The following DNPEP variants were observed in gnomAD, a reference collection of about 807,000 sequenced individuals.
DNPEP encodes the protein aspartyl aminopeptidase.
In DNPEP, 46 loss-of-function variants were observed where a neutral mutation model predicts 59.1. That is an observed-to-expected ratio of 0.78 (90% confidence interval 0.61 to 0.99). The LOEUF is 0.99. Ranked by LOEUF, DNPEP falls within the 50% of genes least tolerant of loss-of-function variation. The pLI, the probability that DNPEP is intolerant of heterozygous loss-of-function variation, is 0.00. For missense variants in DNPEP, 617 were observed against 649.9 expected, an observed-to-expected ratio of 0.95 and a Z score of 0.55; for synonymous variants, 229 against 242.2, an observed-to-expected ratio of 0.95 and a Z score of 0.50.
chr2:219,388,012 G>A (rs1953929458), upstream of DNPEP: 9 of 1,107,302 alleles, frequency 8.1e-6, no homozygotes, highest in South Asian at 2.0e-4. Flanking sequence ...GCCCCTCGGC[G>A]GGCTTACCCT....
At chr2:219,395,850 C>A (rs1411365795) in intron 1 of DNPEP, among the ~76,000 whole-genome samples, 3 of 152,198 alleles carry the variant, frequency 2.0e-5, no homozygotes, top group Non-Finnish European at 4.4e-5. Context: ...CTGGAAGTAA[C>A]CTGCTGGCCT....
At chr2:219,386,214 C>T (rs959725708) in intron 5 of DNPEP, 72 bp downstream of exon 5, 46 of 1,610,928 alleles carry the variant, frequency 2.9e-5, no homozygotes, top group Non-Finnish European at 3.7e-5. Flanking sequence ...CCCCTCTTCC[C>T]CACGGGTACC....
intron 10 of DNPEP, among the ~76,000 whole-genome samples, chr2:219,382,575 T>C (rs1278986444): frequency 1.3e-5 from 2 of 152,228 alleles, no homozygotes; most frequent in African/African-American, 4.8e-5. Flanking sequence ...CAGTGATGAA[T>C]GTCACTTCTG....
chr2:219,399,379 A>G (rs1954149203), intron 1 of DNPEP: 1 of 454,480 alleles, frequency 2.2e-6, no homozygotes, highest in Non-Finnish European at 4.4e-6. Context: ...ACTCTAAGGC[A>G]GTGTTTAGGG....
Position 219,386,065 on chromosome 2 carries a change from C to T in DNPEP, c.493G>A (p.Val165Met). The T allele has an allele frequency of 1.2e-6, 2 of 1,614,168 alleles. No individual in the cohort carries two copies. ...PTSGRLEQQL[V>M]HVERPILRIP... ...CGAAGAATGGGCCGCTCCACGTGCA[C>T]CAGCTGCTGCTCCAGCCGACCTGAG... The change falls in exon 6 of 15, where the codon GTG becomes ATG. Residue 165 changes from valine to methionine, a missense_variant. Val to Met is a conservative substitution (Grantham distance 21, BLOSUM62 1). Coordinates refer to ENST00000273075, the MANE Select transcript of DNPEP (RefSeq NM_012100.4).
chr2:219,387,295 C>T (rs1468429431), intron 1 of DNPEP, 132 bp from the exon 2 acceptor site: 4 of 1,421,862 alleles, frequency 2.8e-6, no homozygotes, highest in Admixed American at 3.0e-5. Flanking sequence ...TCCGCCCGTC[C>T]CCACCGAGAG....
Position 219,382,017 on chromosome 2 carries a change from G to T in DNPEP, c.1059C>A (p.Ile353=), listed in dbSNP as rs1214623102. ...FEEAIPKSFM[I]SADMAHAVHP... ...GCACAGCATGGGCCATGTCTGCGCT[G>T]ATCATGAAGGACTTGGGTATGGCTT... Residue 353 remains isoleucine (I), a synonymous_variant, in exon 11 of 15, where the codon ATC becomes ATA. Transcript: ENST00000273075. 1 of 1,614,116 alleles carries T rather than the reference G, an allele frequency of 6.2e-7. No homozygotes were observed. Among genetic ancestry groups the T allele is most frequent in the African/African-American group, 1.3e-5 (1 of 74,944 alleles).
At position 219,386,100 on chromosome 2, in the gene DNPEP, T is replaced by G; in HGVS notation, c.460-2A>C. 6.2e-7 allele frequency: 1 copy of G among 1,614,016 alleles called. No individual in the cohort carries two copies. The highest frequency in any genetic ancestry group is 1.3e-5 in the African/African-American group (1 of 75,034). ...CTCCAGCCGACCTGAGGTAGGGCAC[T>G]GCAGCCAGCCAGGCCAGGTCAGCCC... On this transcript the variant is annotated splice_acceptor_variant, in intron 5 of 14. Transcript: ENST00000273075. LOFTEE classifies it high-confidence loss of function.
At chr2:219,399,175 T>A (rs1174185278) in intron 1 of DNPEP, among the ~76,000 whole-genome samples, 1 of 152,226 alleles carries the variant, frequency 6.6e-6, no homozygotes. Context: ...ATTTTATAGA[T>A]GGGTTGAAAA....
Position 219,387,816 on chromosome 2 carries a change from C to A in DNPEP, c.-22G>T, listed in dbSNP as rs758949519. The A allele has an allele frequency of 3.2e-6, 5 of 1,570,472 alleles. No individual in the cohort carries two copies. In the South Asian group the frequency reaches 3.4e-5, roughly 11 times the overall value. On this transcript the variant is annotated 5_prime_UTR_variant, in exon 1 of 15. Transcript: ENST00000273075. The stretch of plus-strand genomic sequence containing the variant: ...TCATCTGGCCTCCGGGCTCGGCCCG[C>A]CCCCACCGCGCCGCCTGCCCCGCCC...
At chr2:219,376,081 G>A (rs1953359467) in intron 13 of DNPEP, among the ~76,000 whole-genome samples, 1 of 152,114 alleles carries the variant, frequency 6.6e-6, no homozygotes, top group African/African-American at 2.4e-5. Flanking sequence ...AAGGGCACAG[G>A]AGTTATGCTG....
upstream of DNPEP, chr2:219,388,407 C>T (rs1212050501): frequency 6.7e-6 from 1 of 149,278 alleles, no homozygotes; most frequent in African/African-American, 2.5e-5. Context: ...CTCCACCCGC[C>T]CCGCCGCTCG....
Position 219,382,161 on chromosome 2 carries a change from C to G in DNPEP, c.937-22G>C, listed in dbSNP as rs1236909842. The G allele has an allele frequency of 4.4e-6, 7 of 1,600,652 alleles. No individual in the cohort carries two copies. The African/African-American group carries it at 8.0e-5, about 18-fold the overall frequency. On this transcript the variant is annotated intron_variant, in intron 10 of 14. Transcript: ENST00000273075. ...CCACCTGGCGACAGTAGAGTCCTGA[C>G]TCTGGGAATCTGGGCTTAGGGGCCT...
chr2:219,388,924 A>G (rs1953964438), upstream of DNPEP: 1 of 960,302 alleles, frequency 1.0e-6, no homozygotes, highest in Non-Finnish European at 1.2e-6. Context: ...TACGGAGACT[A>G]GTGATCCGTC....
intron 14 of DNPEP, 74 bp from the exon 15 acceptor site, chr2:219,374,416 C>A (rs1206780987): frequency 7.3e-7 from 1 of 1,362,148 alleles, no homozygotes; most frequent in Non-Finnish European, 1.1e-6. Flanking sequence ...CCACCTCCCA[C>A]CAACATATGT....
In DNPEP at chr2:219,382,997, C is replaced by A. The variant is rs555867162; in HGVS notation, c.936+134G>T. 1.5e-5 allele frequency: 10 copies of A among 666,506 alleles called. No individual in the cohort carries two copies. In the African/African-American group the frequency reaches 1.8e-4, roughly 12 times the overall value. 41.3% of individuals were successfully genotyped at this position (666,506 alleles called of 1,614,324 possible). A position where few individuals can be genotyped will look rare whatever the true frequency, so the allele number is the denominator to read the frequency against. On this transcript the variant is annotated intron_variant, in intron 10 of 14. Coordinates refer to ENST00000273075, the MANE Select transcript of DNPEP (RefSeq NM_012100.4). The stretch of plus-strand genomic sequence containing the variant: ...GTTGAGTCAGAGGAGACACCAAGTG[C>A]TAAGGAGGCACAGGCAGCATCTCCC...
rs759330284 is a variant in DNPEP, at chr2:219,374,032, A to G, written c.*260T>C. 3.5e-5 allele frequency: 16 copies of G among 460,396 alleles called. No homozygotes were observed. The highest frequency in any genetic ancestry group is 5.9e-5 in the Non-Finnish European group (15 of 255,348). The allele number at this position is 460,396 out of a possible 1,614,324, so 28.5% of individuals were successfully genotyped here. A position where few individuals can be genotyped will look rare whatever the true frequency, so the allele number is the denominator to read the frequency against. ...CCAGTCCACCCTTCACCCACTTCAGACATGGACTTGAGACAGAGAAGAGAT... is the reference window on the plus strand; with the variant it reads ...CCAGTCCACCCTTCACCCACTTCAGGCATGGACTTGAGACAGAGAAGAGAT... On this transcript the variant is annotated 3_prime_UTR_variant, in exon 15 of 15. Coordinates refer to ENST00000273075, the MANE Select transcript of DNPEP (RefSeq NM_012100.4).
chr2:219,377,684 G>A (rs571761324), intron 13 of DNPEP, among the ~76,000 whole-genome samples: 1 of 152,298 alleles, frequency 6.6e-6, no homozygotes, highest in South Asian at 2.1e-4. Context: ...AGCACTTTGG[G>A]AGGCCAAGGT....
At position 219,386,767 on chromosome 2, in the gene DNPEP, G is replaced by A. The variant is rs904217834; in HGVS notation, c.231C>T (p.Thr77=). 1.9e-6 allele frequency: 3 copies of A among 1,612,932 alleles called. No individual in the cohort carries two copies. The African/African-American group carries it at 4.0e-5, about 22-fold the overall frequency. Residue 77 remains threonine (T), a synonymous_variant, in exon 4 of 15, where the codon ACC becomes ACT. Coordinates refer to ENST00000273075, the MANE Select transcript of DNPEP (RefSeq NM_012100.4). The stretch of plus-strand genomic sequence containing the variant: ...AAGCTATGATGGTGGAGGAGTTCCT[G>A]GTCATGAAGTACTGAGGAGAAGGGG... ...NIKPESKYFM[T]RNSSTIIAFA...
Sources: allele counts gnomAD v4.1 joint callset (sites outside exome capture counted in the v4.1 genomes callset), GRCh38; gene constraint gnomAD v4.1.1; transcripts MANE v1.5; gene names NCBI Gene and HGNC (gene_info 2026-07-23, HGNC 2026-07-21).